BTBD7: variants seen among roughly 807,000 people sequenced by gnomAD.
The protein encoded by BTBD7 is BTB/POZ domain-containing protein 7.
In BTBD7, 38 loss-of-function variants were observed where a neutral mutation model predicts 99.9. The observed-to-expected ratio is 0.38, with a 90% CI of 0.29 to 0.50. The LOEUF (loss-of-function observed/expected upper bound fraction) is 0.50. Ranked by LOEUF, BTBD7 falls within the 20% of genes least tolerant of loss-of-function variation. BTBD7 has a pLI of 0.93. For missense variants in BTBD7, 1,170 were observed against 1,394.6 expected (o/e 0.84, Z 2.57); for synonymous variants, 520 against 511.4 (o/e 1.02, Z -0.23).
intron 5 of BTBD7, 108 bp downstream of exon 5, chr14:93,261,494 C>G: frequency 1.2e-6 from 1 of 861,582 alleles, no homozygotes; most frequent in Non-Finnish European, 1.9e-6. Context: ...TCCATTTTCA[C>G]CAGGCAACAG....
chr14:93,318,695 G>A (rs2053236145), intron 1 of BTBD7, among the ~76,000 whole-genome samples: 1 of 152,166 alleles, frequency 6.6e-6, no homozygotes, highest in South Asian at 2.1e-4. Context: ...GTAAGAAGTG[G>A]CACTTGAATG....
chr14:93,264,925 C>A (rs2052525653), intron 3 of BTBD7, among the ~76,000 whole-genome samples: 1 of 152,042 alleles, frequency 6.6e-6, no homozygotes, highest in African/African-American at 2.4e-5. Context: ...CATGGTGAAA[C>A]CCAGTCTCTA....
At chr14:93,277,738 C>T (rs1031997842) in intron 3 of BTBD7, among the ~76,000 whole-genome samples, 3 of 152,138 alleles carry the variant, frequency 2.0e-5, no homozygotes, top group African/African-American at 4.8e-5. Context: ...GATAAGCGTA[C>T]GCACTGTACT....
chr14:93,299,506 T>G (rs996872511), intron 1 of BTBD7, among the ~76,000 whole-genome samples: 1 of 152,148 alleles, frequency 6.6e-6, no homozygotes, highest in African/African-American at 2.4e-5. Context: ...CTACAGGACT[T>G]GGAGAGGCCC....
In BTBD7 at chr14:93,246,193, G is replaced by A. The variant is rs2052307207; in HGVS notation, c.2215C>T (p.Pro739Ser). The A allele has an allele frequency of 1.2e-6, 2 of 1,612,868 alleles. No homozygotes were observed. The highest frequency in any genetic ancestry group is 2.7e-5 in the African/African-American group (2 of 74,802). The part of the protein sequence containing the change: ...QPGRCRVNST[P>S]PAETMFTDLD... ...TCTGTAAACATGGTTTCTGCAGGAG[G>A]TGTACTGTTTACGCGACATCTCCCA... is the stretch of plus-strand genomic sequence containing the variant. Residue 739 changes from proline to serine, a missense_variant, in exon 10 of 11, where the codon CCT (proline) becomes TCT (serine). By Grantham distance (74) the Pro-to-Ser change is moderately conservative. Around this residue, in one of 4 missense-constraint regions of BTBD7, gnomAD observed 495 missense variants for 525.9 expected, o/e 0.94. Coordinates refer to ENST00000334746, the MANE Select transcript of BTBD7 (RefSeq NM_001002860.4).
At chr14:93,253,869 T>C (rs1389220331) in intron 6 of BTBD7, 79 bp from the exon 7 acceptor site, 2 of 622,062 alleles carry the variant, frequency 3.2e-6, no homozygotes, top group Non-Finnish European at 4.7e-6. Context: ...TATTTATAAC[T>C]ATAAATAAAA....
At chr14:93,320,360 C>T (rs573428420) in intron 1 of BTBD7, among the ~76,000 whole-genome samples, 1 of 152,318 alleles carries the variant, frequency 6.6e-6, no homozygotes, top group South Asian at 2.1e-4. Flanking sequence ...TTGCCTCTAA[C>T]AGGTAGAAGC....
intron 1 of BTBD7, among the ~76,000 whole-genome samples, chr14:93,301,475 C>T (rs1276792736): frequency 1.3e-5 from 2 of 151,838 alleles, no homozygotes; most frequent in Admixed American, 1.3e-4. Flanking sequence ...CAGGCGTGAG[C>T]CACCGTGCCC....
intron 10 of BTBD7, among the ~76,000 whole-genome samples, chr14:93,245,394 G>A (rs77698339): frequency 0.035 from 5,266 of 152,186 alleles, 298 homozygotes; most frequent in African/African-American, 0.12. Context: ...ATTCCTGACG[G>A]TATACTGTAC....
rs1270419660 is a variant in BTBD7, at chr14:93,263,837, T to C, written c.1319A>G (p.Tyr440Cys). ...AAGCAGATGGTCTTTGCTGAGTTCATAAAAAACATCCGAAGTCATGACCTG... is the reference window on the plus strand; with the variant it reads ...AAGCAGATGGTCTTTGCTGAGTTCACAAAAAACATCCGAAGTCATGACCTG... ...FSQVMTSDVF[Y>C]ELSKDHLLTA... is the part of the protein sequence containing the mutation. Residue 440 changes from tyrosine to cysteine, a missense_variant, in exon 4 of 11, where the codon TAT (tyrosine) becomes TGT (cysteine). Coordinates refer to ENST00000334746, the MANE Select transcript of BTBD7 (RefSeq NM_001002860.4). The C allele has an allele frequency of 3.1e-6, 5 of 1,614,112 alleles. No individual in the cohort carries two copies. The highest frequency in any genetic ancestry group is 4.2e-6 in the Non-Finnish European group (5 of 1,180,022).
chr14:93,280,488 G>A (rs1002923072), intron 3 of BTBD7, among the ~76,000 whole-genome samples: 2 of 152,130 alleles, frequency 1.3e-5, no homozygotes, highest in African/African-American at 4.8e-5. Context: ...CAGTTTTTTG[G>A]CACTACTTTC....
At chr14:93,267,848 A>G (rs1174478051) in intron 3 of BTBD7, among the ~76,000 whole-genome samples, 5 of 152,180 alleles carry the variant, frequency 3.3e-5, no homozygotes, top group Non-Finnish European at 7.4e-5. Context: ...TTTCCCCTGC[A>G]TTATTGAAAT....
intron 3 of BTBD7, among the ~76,000 whole-genome samples, chr14:93,284,521 T>G (rs1027085245): frequency 6.6e-6 from 1 of 151,946 alleles, no homozygotes; most frequent in African/African-American, 2.4e-5. Flanking sequence ...ATTCAAAACA[T>G]GTAACTGACA....
At position 93,279,746 on chromosome 14, in the gene BTBD7, C is replaced by T. The variant is rs1193483344; in HGVS notation, c.1162+14112G>A. On this transcript the variant is annotated intron_variant, in intron 3 of 10. Coordinates refer to ENST00000334746, the MANE Select transcript of BTBD7 (RefSeq NM_001002860.4). ...TATTTTTAGTAGAGACAAGGTTTCA[C>T]CATGTTGGCCAGACTGATGGACTAT... 2.0e-5 allele frequency among the ~76,000 whole-genome samples: 3 copies of T among 152,228 alleles called. No homozygotes were observed. In the South Asian group the frequency reaches 6.2e-4, roughly 32 times the overall value.
chr14:93,321,590 CACAA>C (rs1434657130), intron 1 of BTBD7, among the ~76,000 whole-genome samples: 1 of 152,144 alleles, frequency 6.6e-6, no homozygotes, highest in Non-Finnish European at 1.5e-5. Flanking sequence ...AAGACTCCGT[CACAA>C]ACAAACAAGC....
chr14:93,272,343 G>T (rs188514351), intron 3 of BTBD7, among the ~76,000 whole-genome samples: 3 of 152,274 alleles, frequency 2.0e-5, no homozygotes, highest in Admixed American at 2.0e-4. Flanking sequence ...GAAAGAATCT[G>T]AAGTTCTGAG....
At position 93,300,782 on chromosome 14, in the gene BTBD7, A is replaced by ATTT. The variant is rs1181481151; in HGVS notation, c.-106-4626_-106-4625insAAA. Among the ~76,000 whole-genome samples the ATTT allele has an allele frequency of 3.1e-4, 20 of 63,758 alleles. 1 individual carries two copies. Among genetic ancestry groups the ATTT allele is most frequent in the African/African-American group, 1.6e-3 (20 of 12,626 alleles). 41.8% of individuals were successfully genotyped at this position (63,758 alleles called of 152,430 possible). The stretch of plus-strand genomic sequence containing the variant: ...TGTGTGTGTGTGTGTGTATATATAT[A>ATTT]TATATTTTTTTTTTGTAGAGATAGG... On this transcript the variant is annotated intron_variant, in intron 1 of 10. Transcript: ENST00000334746.
intron 1 of BTBD7, among the ~76,000 whole-genome samples, chr14:93,303,402 G>C (rs911729821): frequency 6.6e-6 from 1 of 150,710 alleles, no homozygotes; most frequent in African/African-American, 2.4e-5. Flanking sequence ...TCAGGAGTTC[G>C]AGACCAGCCT....
At chr14:93,297,346 G>A (rs189384092) in intron 1 of BTBD7, among the ~76,000 whole-genome samples, 94 of 152,118 alleles carry the variant, frequency 6.2e-4, no homozygotes, top group Middle Eastern at 3.4e-3. Flanking sequence ...TTATTTAGAC[G>A]GAGTCTCGCT....
Sources: gnomAD v4.1 joint callset for allele counts (sites outside exome capture counted in the v4.1 genomes callset) on GRCh38, gnomAD v4.1.1 for gene constraint, gnomAD v4.1.1 regional missense constraint, MANE v1.5 for transcripts, NCBI Gene and HGNC (gene_info 2026-07-23, HGNC 2026-07-21) for gene names.